The following PLCB1 variants were observed in gnomAD, a reference collection of about 807,000 sequenced individuals.
PLCB1 encodes 1-phosphatidylinositol 4,5-bisphosphate phosphodiesterase beta-1.
PLCB1 carries 46 observed loss-of-function variants against 161.8 expected under a neutral mutation model. The ratio of observed to expected loss-of-function variants is 0.28; its 90% CI spans 0.22 to 0.36. PLCB1 has a LOEUF of 0.36. PLCB1 is among the 10% of genes least tolerant of loss of function. The probability of loss-of-function intolerance (pLI) is 1.00; values close to 1 mark genes in which losing one functional copy is unlikely to be tolerated. For synonymous variants in PLCB1, 517 were observed against 503.7 expected (o/e 1.03, Z -0.35); for missense variants, 1,016 against 1,472.5 (o/e 0.69, Z 5.07).
rs938200731 is a variant in PLCB1 at position 8,884,783 on chromosome 20, A to G, written c.*2934A>G. ...TTCTATCTCAAATTATTTAAAATGC[A>G]TAATTCACATTTTTGTAATAATTCT... is the stretch of plus-strand genomic sequence containing the variant. On this transcript the variant is annotated 3_prime_UTR_variant, in exon 32 of 32. Coordinates refer to ENST00000338037, the MANE Select transcript of PLCB1 (RefSeq NM_015192.4). The G allele has an allele frequency of 2.0e-5, 3 of 152,682 alleles. No individual in the cohort carries two copies. The highest frequency in any genetic ancestry group is 1.9e-4 in the East Asian group (1 of 5,204). The allele number at this position is 152,682 out of a possible 1,614,324, so 9.5% of individuals were successfully genotyped here.
chr20:8,245,825 GTATT>G (rs1980850580), intron 2 of PLCB1, among the ~76,000 whole-genome samples: 1 of 151,874 alleles, frequency 6.6e-6, no homozygotes, highest in Non-Finnish European at 1.5e-5. Flanking sequence ...GTCTTTTCAT[GTATT>G]TATTTAATAT....
chr20:8,627,453 G>T (rs775680837), intron 3 of PLCB1, among the ~76,000 whole-genome samples: 34 of 152,156 alleles, frequency 2.2e-4, no homozygotes, highest in Non-Finnish European at 5.9e-5. Flanking sequence ...AAATAAGAAT[G>T]TAAGTGTACT....
chr20:8,279,235 C>G (rs2123280985), intron 2 of PLCB1, among the ~76,000 whole-genome samples: 1 of 152,136 alleles, frequency 6.6e-6, no homozygotes, highest in East Asian at 1.9e-4. Context: ...TCACAATCAA[C>G]AAAAACTGGA....
chr20:8,801,681 C>G (rs1481379533), intron 31 of PLCB1, among the ~76,000 whole-genome samples: 1 of 152,230 alleles, frequency 6.6e-6, no homozygotes, highest in Non-Finnish European at 1.5e-5. Context: ...TAAGCCCAGA[C>G]TCCTTGGACT....
At chr20:8,390,728 C>T (rs1987561914) in intron 3 of PLCB1, among the ~76,000 whole-genome samples, 1 of 152,080 alleles carries the variant, frequency 6.6e-6, no homozygotes, top group Non-Finnish European at 1.5e-5. Flanking sequence ...GCACTAATTT[C>T]TGCATGCCCC....
intron 26 of PLCB1, among the ~76,000 whole-genome samples, chr20:8,766,064 T>G (rs896656749): frequency 1.3e-5 from 2 of 152,168 alleles, no homozygotes; most frequent in Non-Finnish European, 2.9e-5. Flanking sequence ...TGACTCTAAT[T>G]TGGGCCTGGG....
At chr20:8,610,021 C>T (rs1987861754) in intron 3 of PLCB1, among the ~76,000 whole-genome samples, 1 of 152,116 alleles carries the variant, frequency 6.6e-6, no homozygotes, top group Non-Finnish European at 1.5e-5. Flanking sequence ...TTTCATCACT[C>T]CAAAAAGAAA....
Position 8,729,052 on chromosome 20 carries a change from A to T in PLCB1, c.1766A>T (p.Tyr589Phe), listed in dbSNP as rs1166307688. The change falls in exon 18 of 32, where the codon TAT becomes TTT. Residue 589 changes from tyrosine (Y) to phenylalanine (F), a missense_variant and splice_region_variant. Tyr to Phe is a conservative substitution (Grantham distance 22, BLOSUM62 3). Around this residue, in one of 10 missense-constraint regions of PLCB1, gnomAD observed 67 missense variants for 195.6 expected, o/e 0.34. Transcript: ENST00000338037. Reference protein sequence around the residue: ...LTKSPVEFVEYNKMQLSRIYP... With the variant: ...LTKSPVEFVEFNKMQLSRIYP... ...CACTACTTAACATGATGGTCCAGATATAACAAAATGCAGCTTAGCAGGATA... is the reference window on the plus strand; with the variant it reads ...CACTACTTAACATGATGGTCCAGATTTAACAAAATGCAGCTTAGCAGGATA... 1 of 1,605,600 alleles carries T rather than the reference A, an allele frequency of 6.2e-7. No homozygotes were observed. Among genetic ancestry groups the T allele is most frequent in the Non-Finnish European group, 8.5e-7 (1 of 1,174,866 alleles).
intron 2 of PLCB1, among the ~76,000 whole-genome samples, chr20:8,164,566 G>A (rs925794202): frequency 6.6e-6 from 1 of 152,220 alleles, no homozygotes; most frequent in African/African-American, 2.4e-5. Context: ...ACTGCACAGA[G>A]CTTGGATCAG....
At chr20:8,642,382 C>A (rs6055968) in intron 4 of PLCB1, among the ~76,000 whole-genome samples, 7 of 152,136 alleles carry the variant, frequency 4.6e-5, no homozygotes, top group African/African-American at 1.7e-4. Context: ...TTCTTCACTG[C>A]GTCATTAAGA....
chr20:8,432,647 T>C (rs1052647456), intron 3 of PLCB1, among the ~76,000 whole-genome samples: 1 of 152,218 alleles, frequency 6.6e-6, no homozygotes, highest in East Asian at 1.9e-4. Flanking sequence ...TTTAACCCAG[T>C]GTTTTTCATT....
chr20:8,413,897 G>A (rs1361999191), intron 3 of PLCB1, among the ~76,000 whole-genome samples: 1 of 152,094 alleles, frequency 6.6e-6, no homozygotes, highest in Non-Finnish European at 1.5e-5. Flanking sequence ...AAACTGAATT[G>A]CATTTAATTT....
intron 2 of PLCB1, among the ~76,000 whole-genome samples, chr20:8,332,475 C>T (rs1031584597): frequency 6.6e-6 from 1 of 152,126 alleles, no homozygotes; most frequent in Non-Finnish European, 1.5e-5. Flanking sequence ...GGCATATTAT[C>T]AATAATCAAA....
chr20:8,214,928 C>T (rs1248340970), intron 2 of PLCB1, among the ~76,000 whole-genome samples: 1 of 152,068 alleles, frequency 6.6e-6, no homozygotes, highest in African/African-American at 2.4e-5. Context: ...GCAAGACAGA[C>T]AAAAGTCCAA....
intron 2 of PLCB1, among the ~76,000 whole-genome samples, chr20:8,216,179 G>C (rs1979112120): frequency 6.6e-6 from 1 of 152,072 alleles, no homozygotes; most frequent in African/African-American, 2.4e-5. Context: ...CCTTGGCAAA[G>C]TTTTATGTAA....
intron 3 of PLCB1, among the ~76,000 whole-genome samples, chr20:8,410,804 G>A (rs989892304): frequency 1.3e-5 from 2 of 152,090 alleles, no homozygotes; most frequent in Non-Finnish European, 2.9e-5. Context: ...GAATTACCCA[G>A]GTGTGTCCTA....
At chr20:8,310,282 A>C (rs1188464708) in intron 2 of PLCB1, among the ~76,000 whole-genome samples, 1 of 152,196 alleles carries the variant, frequency 6.6e-6, no homozygotes, top group African/African-American at 2.4e-5. Flanking sequence ...ATCTGAACAA[A>C]AGCTGGAAAA....
At chr20:8,225,241 C>T (rs1979620273) in intron 2 of PLCB1, among the ~76,000 whole-genome samples, 1 of 152,120 alleles carries the variant, frequency 6.6e-6, no homozygotes, top group Non-Finnish European at 1.5e-5. Context: ...CAGCATTTCT[C>T]CATTGTGTCA....
chr20:8,884,171 C>G lies in PLCB1; in HGVS notation c.*2322C>G, dbSNP rs1988093851. The G allele has an allele frequency of 6.6e-6, 1 of 152,482 alleles. No homozygotes were observed. Among genetic ancestry groups the G allele is most frequent in the Admixed American group, 6.5e-5 (1 of 15,270 alleles). 9.4% of individuals were successfully genotyped at this position (152,482 alleles called of 1,614,324 possible). ...ACATTTTTATATCTGTACAATGACACTTTTTGCAGTTGTGGGGTAGTGTGT... is the reference window on the plus strand; with the variant it reads ...ACATTTTTATATCTGTACAATGACAGTTTTTGCAGTTGTGGGGTAGTGTGT... On this transcript the variant is annotated 3_prime_UTR_variant, in exon 32 of 32. Coordinates refer to ENST00000338037, the MANE Select transcript of PLCB1 (RefSeq NM_015192.4).
Sources: allele counts gnomAD v4.1 joint callset (sites outside exome capture counted in the v4.1 genomes callset), GRCh38; gene constraint gnomAD v4.1.1; regional missense constraint gnomAD v4.1.1; transcripts MANE v1.5; gene names NCBI Gene and HGNC (gene_info 2026-07-23, HGNC 2026-07-21).